Variants in JAKMIP1 observed in about 807,000 individuals in gnomAD.
JAKMIP1 encodes the protein janus kinase and microtubule-interacting protein 1.
A neutral mutation model predicts 113.0 loss-of-function variants in JAKMIP1; 33 were observed. The ratio of observed to expected loss-of-function variants is 0.29; its 90% CI spans 0.22 to 0.39. The LOEUF (loss-of-function observed/expected upper bound fraction) is 0.39. Among genes scored for constraint, JAKMIP1 ranks in the 10% least tolerant of loss-of-function variants. The probability of loss-of-function intolerance (pLI) is 1.00; values close to 1 mark genes in which losing one functional copy is unlikely to be tolerated. For synonymous variants in JAKMIP1, 480 were observed against 459.9 expected (o/e 1.04, Z -0.56); for missense variants, 813 against 1,080.5 (o/e 0.75, Z 3.47).
At chr4:6,087,064 C>A (rs918819332) in intron 3 of JAKMIP1, among the ~76,000 whole-genome samples, 1 of 152,240 alleles carries the variant, frequency 6.6e-6, no homozygotes, top group African/African-American at 2.4e-5. Flanking sequence ...TTTGTTGCGG[C>A]AGCTGCAAGG....
intron 16 of JAKMIP1, among the ~76,000 whole-genome samples, chr4:6,047,704 T>C (rs1484746095): frequency 6.6e-6 from 1 of 152,254 alleles, no homozygotes; most frequent in Non-Finnish European, 1.5e-5. Context: ...ACTATTTCTA[T>C]TTTAAATGCC....
rs1449033226 is a variant in JAKMIP1 at position 6,081,805 on chromosome 4, C to T, written c.955-50G>A. ...GCTCAGACAACTTGACGACGGACGG[C>T]CGAGGTCACAGCACCGAGGTGAGCA... On this transcript the variant is annotated intron_variant, in intron 5 of 20. Coordinates refer to ENST00000409021, the MANE Select transcript of JAKMIP1 (RefSeq NM_001099433.2). The surrounding 1 kb of genome is among the most constrained non-coding windows in gnomAD (Gnocchi z 4.6). 1 of 1,610,468 alleles carries T rather than the reference C, an allele frequency of 6.2e-7. No individual in the cohort carries two copies. The highest frequency in any genetic ancestry group is 2.2e-5 in the East Asian group (1 of 44,860).
At position 6,081,738 on chromosome 4, in the gene JAKMIP1, C is replaced by A. The variant is rs778389769; in HGVS notation, c.972G>T (p.Glu324Asp). ...ERNELLKRSR[E>D]TEVQLKPLVE... is the part of the protein sequence containing the mutation. The stretch of plus-strand genomic sequence containing the variant: ...CCAGGGGCTTCAGCTGAACCTCGGT[C>A]TCTCGTGAGCGTTTCAGCTGTGGTT... Residue 324 changes from glutamate to aspartate, a missense_variant, in exon 6 of 21, where the codon GAG (glutamate) becomes GAT (aspartate). Transcript: ENST00000409021. This position sits in a 1 kb window ranked among gnomAD's most constrained non-coding sequence, Gnocchi z 4.6. The A allele has an allele frequency of 1.9e-6, 3 of 1,614,046 alleles. No homozygotes were observed. In the African/African-American group the frequency reaches 4.0e-5, roughly 22 times the overall value.
At chr4:6,071,653 C>T (rs540621800) in intron 8 of JAKMIP1, among the ~76,000 whole-genome samples, 22 of 152,360 alleles carry the variant, frequency 1.4e-4, no homozygotes, top group Non-Finnish European at 3.1e-4. Flanking sequence ...GGTACCCAGT[C>T]GGCCTCTGTG....
chr4:6,047,262 G>A (rs1715116884), intron 16 of JAKMIP1, among the ~76,000 whole-genome samples: 1 of 152,242 alleles, frequency 6.6e-6, no homozygotes, highest in African/African-American at 2.4e-5. Flanking sequence ...TCCCAGGGCC[G>A]TGCTCAGCAC....
intron 3 of JAKMIP1, among the ~76,000 whole-genome samples, chr4:6,103,273 T>G (rs1051289275): frequency 2.6e-5 from 4 of 152,174 alleles, no homozygotes; most frequent in Non-Finnish European, 5.9e-5. Context: ...ACTGACCACG[T>G]TTTTCTTTTT....
At chr4:6,062,917 C>CAGATCACCTGAGGT (rs1161090001) in intron 9 of JAKMIP1, among the ~76,000 whole-genome samples, 1 of 152,230 alleles carries the variant, frequency 6.6e-6, no homozygotes, top group Non-Finnish European at 1.5e-5. Context: ...GAGGCTGAGG[C>CAGATCACCTGAGGT]AGATCACCTG....
At chr4:6,102,987 C>T (rs1393243628) in intron 3 of JAKMIP1, among the ~76,000 whole-genome samples, 1 of 151,842 alleles carries the variant, frequency 6.6e-6, no homozygotes, top group African/African-American at 2.4e-5. Flanking sequence ...CCTGCCTCGG[C>T]CTCCCAATGA....
chr4:6,124,186 G>C (rs1217595562), intron 1 of JAKMIP1, among the ~76,000 whole-genome samples: 7 of 152,174 alleles, frequency 4.6e-5, no homozygotes, highest in Non-Finnish European at 8.8e-5. Flanking sequence ...CCGTGCGGAC[G>C]GCACCACGTG....
rs771507170 is a variant in JAKMIP1 at position 6,112,788 on chromosome 4, C to T, written c.63G>A (p.Met21Ile). 136 of 1,614,148 alleles carry T rather than the reference C, an allele frequency of 8.4e-5. 5 individuals carry two copies. In the South Asian group the frequency reaches 1.4e-3, roughly 16 times the overall value. Residue 21 changes from methionine (M) to isoleucine (I), a missense_variant, in exon 2 of 21, where the codon ATG (methionine) becomes ATA (isoleucine). Physicochemically the swap from Met to Ile is conservative, Grantham distance 10. Around this residue, in one of 2 missense-constraint regions of JAKMIP1, gnomAD observed 540 missense variants for 653.9 expected, o/e 0.83. Transcript: ENST00000409021. ...GCTTGGCCCGCAGCTCCTCGTTGGC[C>T]ATCTGCACCGCGTCCGTCTCCATCT... ...KPEMETDAVQMANEELRAKLT... is the reference protein window; with the variant it reads ...KPEMETDAVQIANEELRAKLT...
rs1055195578 is a variant in JAKMIP1, at chr4:6,129,132, C to T, written c.-147-16135G>A. ...ATGAAGACATCACACACCCCACTTT[C>T]ACTCCGCACTGTGGGGTGTCTTCAC... On this transcript the variant is annotated intron_variant, in intron 1 of 20. Coordinates refer to ENST00000409021, the MANE Select transcript of JAKMIP1 (RefSeq NM_001099433.2). The surrounding 1 kb of genome is among the most constrained non-coding windows in gnomAD (Gnocchi z 5.4). Among the ~76,000 whole-genome samples, 1 of 152,248 alleles carries T rather than the reference C, an allele frequency of 6.6e-6. No individual in the cohort carries two copies. Among genetic ancestry groups the T allele is most frequent in the Non-Finnish European group, 1.5e-5 (1 of 68,034 alleles).
rs546363174 is a variant in JAKMIP1, at chr4:6,124,205, G to A, written c.-147-11208C>T. 3.3e-5 allele frequency among the ~76,000 whole-genome samples: 5 copies of A among 152,362 alleles called. No individual in the cohort carries two copies. The East Asian group carries it at 9.7e-4, about 29-fold the overall frequency. On this transcript the variant is annotated intron_variant, in intron 1 of 20. Coordinates refer to ENST00000409021, the MANE Select transcript of JAKMIP1 (RefSeq NM_001099433.2). ...GCGGACGGCACCACGTGGAACGAGGGCTGGCGACCATTGCTAATCCCAGAG... is the reference window on the plus strand; with the variant it reads ...GCGGACGGCACCACGTGGAACGAGGACTGGCGACCATTGCTAATCCCAGAG...
chr4:6,029,462 T>C (rs988802612), intron 20 of JAKMIP1, among the ~76,000 whole-genome samples: 2 of 152,126 alleles, frequency 1.3e-5, no homozygotes, highest in African/African-American at 4.8e-5. Context: ...CAGGGGAAAG[T>C]CTTTTGTGAA....
At chr4:6,177,180 C>A (rs1183240072) in intron 1 of JAKMIP1, among the ~76,000 whole-genome samples, 1 of 152,098 alleles carries the variant, frequency 6.6e-6, no homozygotes, top group East Asian at 1.9e-4. Flanking sequence ...CGTCAATCTT[C>A]CCAAAGGGAA....
chr4:6,161,762 T>G (rs951621285), intron 1 of JAKMIP1, among the ~76,000 whole-genome samples: 3 of 152,010 alleles, frequency 2.0e-5, no homozygotes, highest in Non-Finnish European at 4.4e-5. Flanking sequence ...CTCTGGATGC[T>G]GGATGCTGTG....
rs1047092020 is a variant in JAKMIP1 at position 6,124,194 on chromosome 4, G to A, written c.-147-11197C>T. On this transcript the variant is annotated intron_variant, in intron 1 of 20. Coordinates refer to ENST00000409021, the MANE Select transcript of JAKMIP1 (RefSeq NM_001099433.2). ...GGGTGGGCCGTGCGGACGGCACCAC[G>A]TGGAACGAGGGCTGGCGACCATTGC... Among the ~76,000 whole-genome samples, 27 of 152,224 alleles carry A rather than the reference G, an allele frequency of 1.8e-4. 2 individuals are homozygous for A. The highest frequency in any genetic ancestry group is 1.3e-3 in the Admixed American group (20 of 15,288).
chr4:6,103,370 T>C (rs1329279488), intron 3 of JAKMIP1, among the ~76,000 whole-genome samples: 5 of 152,264 alleles, frequency 3.3e-5, no homozygotes, highest in African/African-American at 1.2e-4. Flanking sequence ...AGCTGGGTTA[T>C]GACTTATTAG....
Position 6,141,344 on chromosome 4 carries a change from G to A in JAKMIP1, c.-147-28347C>T, listed in dbSNP as rs1035255048. 3.3e-5 allele frequency among the ~76,000 whole-genome samples: 5 copies of A among 152,138 alleles called. No individual in the cohort carries two copies. The highest frequency in any genetic ancestry group is 7.4e-5 in the Non-Finnish European group (5 of 68,024). On this transcript the variant is annotated intron_variant, in intron 1 of 20. Transcript: ENST00000409021. The surrounding 1 kb of genome is among the most constrained non-coding windows in gnomAD (Gnocchi z 9.4). ...CCAGCTACTTGACAGGCTGAGGCAG[G>A]AGAATTGCTTGAACCCGGCAGGCAG...
chr4:6,173,044 A>G (rs951419803), intron 1 of JAKMIP1, among the ~76,000 whole-genome samples: 1 of 152,196 alleles, frequency 6.6e-6, no homozygotes, highest in Non-Finnish European at 1.5e-5. Context: ...CGATTAACAA[A>G]GGATAAACAA....
Sources: allele counts gnomAD v4.1 joint callset (sites outside exome capture counted in the v4.1 genomes callset), GRCh38; gene constraint gnomAD v4.1.1; regional missense constraint gnomAD v4.1.1; non-coding constraint Gnocchi (gnomAD v3.1); transcripts MANE v1.5; gene names NCBI Gene and HGNC (gene_info 2026-07-23, HGNC 2026-07-21).